RASSF3: variants seen among roughly 807,000 people sequenced by gnomAD.
RASSF3 encodes Ras association domain family member 3, also known as ras association domain-containing protein 3.
In RASSF3, 19 loss-of-function variants were observed where a neutral mutation model predicts 19.9. The observed-to-expected ratio is 0.96, with a 90% CI of 0.67 to 1.40. RASSF3 has a LOEUF of 1.40. Ranked by LOEUF, RASSF3 falls within the 40% of genes most tolerant of loss-of-function variation. The pLI, the probability that RASSF3 is intolerant of heterozygous loss-of-function variation, is 0.00. For missense variants in RASSF3, 306 were observed against 289.8 expected (o/e 1.06, Z -0.41); for synonymous variants, 110 against 104.2 (o/e 1.06, Z -0.34).
Position 64,517,722 on chromosome 12 carries a change from G to A in RASSF3, c.169+10393G>A, listed in dbSNP as rs776269436. On this transcript the variant is annotated intron_variant, in intron 1 of 5. Transcript: ENST00000637125. ...CAGCCTCAACCTCCTGGGCTCAAGC[G>A]ATCCTCCCACCTCAGCCTCCCTAGT... Among the ~76,000 whole-genome samples the A allele has an allele frequency of 4.0e-5, 6 of 151,520 alleles. No individual in the cohort carries two copies. The East Asian group carries it at 5.8e-4, about 15-fold the overall frequency.
chr12:64,592,368 G>T (rs1251064896), intron 2 of RASSF3, among the ~76,000 whole-genome samples: 3 of 152,142 alleles, frequency 2.0e-5, no homozygotes, highest in Non-Finnish European at 2.9e-5. Context: ...TAGCCAATTT[G>T]CCTAATTGAT....
intron 1 of RASSF3, among the ~76,000 whole-genome samples, chr12:64,613,313 G>C (rs1408836011): frequency 6.6e-6 from 1 of 151,760 alleles, no homozygotes; most frequent in African/African-American, 2.4e-5. Flanking sequence ...TGGAAAGAGA[G>C]GTATTGCTAG....
At chr12:64,560,443 C>T (rs1869328434) in intron 2 of RASSF3, among the ~76,000 whole-genome samples, 1 of 152,182 alleles carries the variant, frequency 6.6e-6, no homozygotes, top group African/African-American at 2.4e-5. Flanking sequence ...ACTCTGCTCT[C>T]CCTGTAGCTA....
intron 1 of RASSF3, among the ~76,000 whole-genome samples, chr12:64,634,805 G>A (rs1171842414): frequency 1.4e-5 from 2 of 142,736 alleles, no homozygotes; most frequent in Non-Finnish European, 3.0e-5. Flanking sequence ...CAGAATTTAT[G>A]TTGCTCTGAT....
chr12:64,668,608 C>T (rs17223377), intron 1 of RASSF3, among the ~76,000 whole-genome samples: 17,844 of 151,710 alleles, frequency 0.12, 1,199 homozygotes, highest in East Asian at 0.29. Flanking sequence ...TGGCTTGGCA[C>T]CTCAGAAAAC....
chr12:64,582,217 A>C (rs1869715150), intron 2 of RASSF3, among the ~76,000 whole-genome samples: 2 of 152,158 alleles, frequency 1.3e-5, no homozygotes, highest in Admixed American at 6.6e-5. Flanking sequence ...CCTAACCAAA[A>C]GATTAGGGTC....
At chr12:64,694,722 T>A in intron 4 of RASSF3, 41 bp from the exon 5 acceptor site, 2 of 1,610,458 alleles carry the variant, frequency 1.2e-6, no homozygotes, top group Admixed American at 1.7e-5. Flanking sequence ...TCTAACTGAG[T>A]ATTAAACATC....
intron 2 of RASSF3, 118 bp from the exon 3 acceptor site, chr12:64,688,098 C>T (rs190179998): frequency 8.9e-5 from 69 of 774,290 alleles, no homozygotes; most frequent in Non-Finnish European, 1.3e-4. Context: ...AGTTCTGCCA[C>T]AAACCTCAAG....
intron 2 of RASSF3, among the ~76,000 whole-genome samples, chr12:64,589,727 G>A (rs1333137316): frequency 6.6e-6 from 1 of 152,074 alleles, no homozygotes; most frequent in African/African-American, 2.4e-5. Context: ...ACCTGGCTGG[G>A]TGTGGTAGCT....
chr12:64,608,515 G>A (rs1194171876), upstream of RASSF3, among the ~76,000 whole-genome samples: 3 of 151,880 alleles, frequency 2.0e-5, no homozygotes, highest in African/African-American at 7.3e-5. Context: ...GTTTCACCAC[G>A]TTGGCCAGGC....
At chr12:64,517,721 C>T (rs149531281) in intron 1 of RASSF3, among the ~76,000 whole-genome samples, 232 of 151,786 alleles carry the variant, frequency 1.5e-3, no homozygotes, top group African/African-American at 5.3e-3. Flanking sequence ...TGGGCTCAAG[C>T]GATCCTCCCA....
intron 2 of RASSF3, among the ~76,000 whole-genome samples, chr12:64,687,021 C>G (rs1020162576): frequency 1.3e-5 from 2 of 152,126 alleles, no homozygotes; most frequent in Non-Finnish European, 2.9e-5. Context: ...GATGCAGTCT[C>G]TGTCGCCCAG....
At chr12:64,533,064 AC>A (rs1437681441), upstream of RASSF3, among the ~76,000 whole-genome samples, 1 of 152,184 alleles carries the variant, frequency 6.6e-6, no homozygotes. Context: ...ACAGGTGTGA[AC>A]ACTTGACGGT....
chr12:64,513,529 T>C (rs1337719116), intron 1 of RASSF3, among the ~76,000 whole-genome samples: 4 of 151,106 alleles, frequency 2.6e-5, no homozygotes, highest in African/African-American at 9.7e-5. Flanking sequence ...AGGAGATATA[T>C]AATAACCTAA....
intron 1 of RASSF3, among the ~76,000 whole-genome samples, chr12:64,651,544 G>A (rs1466145293): frequency 1.3e-5 from 2 of 151,974 alleles, no homozygotes; most frequent in African/African-American, 4.8e-5. Context: ...ATTTTTAGTA[G>A]AGGCAGTGTT....
intron 1 of RASSF3, among the ~76,000 whole-genome samples, chr12:64,661,421 G>T (rs189517990): frequency 1.3e-5 from 2 of 151,856 alleles, no homozygotes; most frequent in East Asian, 3.9e-4. Flanking sequence ...GGAATTTGAG[G>T]CAGCTGTAAG....
chr12:64,517,895 G>C (rs966119206), intron 1 of RASSF3, among the ~76,000 whole-genome samples: 15 of 152,086 alleles, frequency 9.9e-5, no homozygotes, highest in African/African-American at 3.6e-4. Flanking sequence ...TGGGATTACA[G>C]GCATGAGCCA....
chr12:64,655,848 GA>G (rs1405093480), intron 1 of RASSF3, among the ~76,000 whole-genome samples: 1 of 151,796 alleles, frequency 6.6e-6, no homozygotes, highest in East Asian at 1.9e-4. Context: ...CTAACATGGT[GA>G]AACCCTGTCT....
chr12:64,576,165 C>G (rs1478610012), intron 2 of RASSF3, among the ~76,000 whole-genome samples: 6 of 151,876 alleles, frequency 4.0e-5, no homozygotes, highest in Non-Finnish European at 8.8e-5. Context: ...AAAATTAAAC[C>G]AATATAATTA....
Sources: allele counts gnomAD v4.1 joint callset (sites outside exome capture counted in the v4.1 genomes callset), GRCh38; gene constraint gnomAD v4.1.1; transcripts MANE v1.5; gene names NCBI Gene and HGNC (gene_info 2026-07-23, HGNC 2026-07-21).